The following TANGO6 variants were observed in gnomAD, a reference collection of about 807,000 sequenced individuals.
TANGO6 encodes the protein transport and Golgi organization protein 6 homolog.
A neutral mutation model predicts 114.2 loss-of-function variants in TANGO6; 90 were observed. The observed-to-expected ratio is 0.79, with a 90% confidence interval of 0.66 to 0.94. TANGO6 has a LOEUF of 0.94. Ranked by LOEUF, TANGO6 falls within the 40% of genes least tolerant of loss-of-function variation. The probability of loss-of-function intolerance (pLI) is 0.00; values close to 1 mark genes in which losing one functional copy is unlikely to be tolerated. For missense variants in TANGO6, 1,274 were observed against 1,315.3 expected (o/e 0.97, Z 0.49); for synonymous variants, 477 against 509.8 (o/e 0.94, Z 0.87).
At chr16:68,881,742 T>A (rs1218801592) in intron 7 of TANGO6, among the ~76,000 whole-genome samples, 2 of 152,214 alleles carry the variant, frequency 1.3e-5, no homozygotes, top group Non-Finnish European at 2.9e-5. Context: ...AGAATCTAAA[T>A]GTTATGTTCT....
In TANGO6 at chr16:68,927,910, A is replaced by G. The variant is rs754962263; in HGVS notation, c.2470A>G (p.Ser824Gly). The change falls in exon 13 of 18, where the codon AGC (serine) becomes GGC (glycine). Residue 824 changes from serine to glycine, a missense_variant. Physicochemically the swap from Ser to Gly is moderately conservative, Grantham distance 56. Transcript: ENST00000261778. ...PIIPQGVNEPSTTTSQKSGSV... is the reference protein window; with the variant it reads ...PIIPQGVNEPGTTTSQKSGSV... The stretch of plus-strand genomic sequence containing the variant: ...CATTCCTCAAGGAGTCAATGAGCCC[A>G]GCACTACTACAAGTCAGAAATCTGG... 5.6e-6 allele frequency: 9 copies of G among 1,613,956 alleles called. No individual in the cohort carries two copies. Among genetic ancestry groups the G allele is most frequent in the Non-Finnish European group, 4.2e-6 (5 of 1,179,860 alleles).
intron 14 of TANGO6, among the ~76,000 whole-genome samples, chr16:68,933,231 A>G (rs1340690240): frequency 6.6e-6 from 1 of 152,204 alleles, no homozygotes; most frequent in African/African-American, 2.4e-5. Flanking sequence ...CCTGATCAAC[A>G]TGGTGAAACC....
At chr16:69,080,595 G>T (rs1443869402) in intron 17 of TANGO6, among the ~76,000 whole-genome samples, 1 of 152,186 alleles carries the variant, frequency 6.6e-6, no homozygotes, top group East Asian at 1.9e-4. Flanking sequence ...ATACACATGT[G>T]TGCTTGTAAA....
intron 14 of TANGO6, among the ~76,000 whole-genome samples, chr16:68,930,539 GT>G (rs1963225817): frequency 6.6e-6 from 1 of 151,658 alleles, no homozygotes; most frequent in South Asian, 2.1e-4. Flanking sequence ...TACATATTCT[GT>G]AGATTAAATC....
At chr16:68,910,401 C>A (rs894280628) in intron 11 of TANGO6, among the ~76,000 whole-genome samples, 20 of 152,262 alleles carry the variant, frequency 1.3e-4, no homozygotes, top group African/African-American at 1.9e-4. Flanking sequence ...TATATCCATT[C>A]TCTGGACACT....
rs77888365 is a variant in TANGO6, at chr16:68,967,722, T to C, written c.2702-6306T>C. 5.5e-4 allele frequency among the ~76,000 whole-genome samples: 83 copies of C among 152,218 alleles called. 1 individual carries two copies. The East Asian group carries it at 0.014, about 26-fold the overall frequency. On this transcript the variant is annotated intron_variant, in intron 14 of 17. Coordinates refer to ENST00000261778, the MANE Select transcript of TANGO6 (RefSeq NM_024562.2). The stretch of plus-strand genomic sequence containing the variant: ...TCAAGTGAGTAGGTGGTTTTCCGGG[T>C]TGCTGTGGGTATTTTGGGAAGTTGT...
At chr16:68,934,041 A>ATTT (rs765471686) in intron 14 of TANGO6, 3 of 139,914 alleles carry the variant, frequency 2.1e-5, no homozygotes, top group Non-Finnish European at 4.7e-5. Context: ...GAATTCTGGA[A>ATTT]TTTTTTTTTT....
chr16:68,951,057 C>T (rs912684606), intron 14 of TANGO6, among the ~76,000 whole-genome samples: 1 of 151,854 alleles, frequency 6.6e-6, no homozygotes, highest in Non-Finnish European at 1.5e-5. Context: ...GGTGCTGTGG[C>T]TGCTGCCTGT....
chr16:68,886,156 C>T (rs1962536485), intron 7 of TANGO6, among the ~76,000 whole-genome samples: 1 of 151,886 alleles, frequency 6.6e-6, no homozygotes, highest in African/African-American at 2.4e-5. Context: ...AACAGCTTTT[C>T]ATGTGCTTAT....
At position 69,063,735 on chromosome 16, in the gene TANGO6, A is replaced by ATCAT. The variant is rs770438309; in HGVS notation, c.3109-19746_3109-19743dup. Among the ~76,000 whole-genome samples the ATCAT allele has an allele frequency of 4.4e-3, 650 of 147,390 alleles. 7 individuals are homozygous for ATCAT. Among genetic ancestry groups the ATCAT allele is most frequent in the Non-Finnish European group, 5.0e-3 (338 of 66,992 alleles). ...GAGAATCATTAACTAGAATGATGGT[A>ATCAT]TCATTCAGAGGCAATGGTATTCACT... is the stretch of plus-strand genomic sequence containing the variant. On this transcript the variant is annotated intron_variant, in intron 17 of 17. Transcript: ENST00000261778.
chr16:69,080,857 G>A (rs1412675484), intron 17 of TANGO6, among the ~76,000 whole-genome samples: 3 of 152,136 alleles, frequency 2.0e-5, no homozygotes, highest in African/African-American at 7.2e-5. Context: ...CCTTCCTCTA[G>A]GCCGGGCGCG....
chr16:68,882,874 C>T (rs770523737), intron 7 of TANGO6, among the ~76,000 whole-genome samples: 14 of 151,860 alleles, frequency 9.2e-5, no homozygotes, highest in Admixed American at 2.0e-4. Context: ...AAAAATTAGC[C>T]GGACGTTGTG....
At chr16:68,844,999 ACT>A (rs1275708745) in intron 1 of TANGO6, among the ~76,000 whole-genome samples, 5 of 134,630 alleles carry the variant, frequency 3.7e-5, no homozygotes, top group Middle Eastern at 4.0e-3. Context: ...ATGAGGTCTC[ACT>A]CTGTTGCCCA....
At chr16:69,026,545 G>A (rs1364756042) in intron 16 of TANGO6, 1 of 161,312 alleles carries the variant, frequency 6.2e-6, no homozygotes, top group East Asian at 1.8e-4. Flanking sequence ...CAGCCTGCAT[G>A]GACCCCTGGG....
At chr16:68,962,220 A>G (rs1963599798) in intron 14 of TANGO6, among the ~76,000 whole-genome samples, 2 of 152,210 alleles carry the variant, frequency 1.3e-5, no homozygotes, top group Non-Finnish European at 2.9e-5. Context: ...GTTAGCTTCC[A>G]TCATAATAAA....
At chr16:69,072,816 C>A (rs574978336) in intron 17 of TANGO6, among the ~76,000 whole-genome samples, 1 of 152,126 alleles carries the variant, frequency 6.6e-6, no homozygotes, top group East Asian at 1.9e-4. Flanking sequence ...CAGAAGTGCC[C>A]AGGGGGAAAT....
chr16:68,852,998 G>T (rs1395210677), intron 1 of TANGO6, among the ~76,000 whole-genome samples: 1 of 152,140 alleles, frequency 6.6e-6, no homozygotes, highest in African/African-American at 2.4e-5. Flanking sequence ...TGCGTTCAAA[G>T]TAAGTTGCAG....
rs530394655 is a variant in TANGO6 at position 68,984,522 on chromosome 16, T to C, written c.2842+10354T>C. Reference sequence around the variant, plus strand: ...ATACTTCCTACTTATATTAGACAGTTTGGATTTTTTTTTTTCAAGCTAGGA... The same window carrying C: ...ATACTTCCTACTTATATTAGACAGTCTGGATTTTTTTTTTTCAAGCTAGGA... On this transcript the variant is annotated intron_variant, in intron 15 of 17. Coordinates refer to ENST00000261778, the MANE Select transcript of TANGO6 (RefSeq NM_024562.2). Among the ~76,000 whole-genome samples the C allele has an allele frequency of 2.4e-4, 36 of 152,126 alleles. No homozygotes were observed. In the South Asian group the frequency reaches 7.5e-3, roughly 32 times the overall value.
intron 17 of TANGO6, among the ~76,000 whole-genome samples, chr16:69,062,575 C>T (rs986017574): frequency 2.0e-5 from 3 of 151,662 alleles, no homozygotes; most frequent in African/African-American, 4.8e-5. Flanking sequence ...CGGGTTCAAG[C>T]GATTCTCCTG....
Sources: allele counts gnomAD v4.1 joint callset (sites outside exome capture counted in the v4.1 genomes callset), GRCh38; gene constraint gnomAD v4.1.1; transcripts MANE v1.5; gene names NCBI Gene and HGNC (gene_info 2026-07-23, HGNC 2026-07-21).